Variants in ADGRV1 observed in about 807,000 individuals in gnomAD.
ADGRV1 encodes the protein G-protein coupled receptor 98.
ADGRV1 carries 359 observed loss-of-function variants against 596.2 expected under a neutral mutation model. The observed-to-expected ratio is 0.60, with a 90% CI of 0.55 to 0.66. ADGRV1 has a LOEUF of 0.66. Among genes scored for constraint, ADGRV1 ranks in the 30% least tolerant of loss-of-function variants. The pLI is 0.00. For synonymous variants in ADGRV1, 2,681 were observed against 2,679.2 expected, an observed-to-expected ratio of 1.00 and a Z score of -0.02; for missense variants, 7,274 against 7,575.6, an observed-to-expected ratio of 0.96 and a Z score of 1.48.
At chr5:90,675,162 T>C in intron 23 of ADGRV1, 81 bp from the exon 24 acceptor site, 2 of 1,212,736 alleles carry the variant, frequency 1.6e-6, no homozygotes, top group Non-Finnish European at 2.3e-6. Context: ...ATCAAAATAA[T>C]TGTGTAAGAT....
rs1412894091 is a variant in ADGRV1, at chr5:90,568,105, ATATTT to A, written c.22+9194_22+9198del. 3.3e-5 allele frequency among the ~76,000 whole-genome samples: 5 copies of A among 151,854 alleles called. No individual in the cohort carries two copies. In the East Asian group the frequency reaches 9.7e-4, roughly 29 times the overall value. On this transcript the variant is annotated intron_variant, in intron 1 of 89. Coordinates refer to ENST00000405460, the MANE Select transcript of ADGRV1 (RefSeq NM_032119.4). ...ATTTTCTCTGTTGTATTTCTATTCT[ATATTT>A]TATTTGTTCCCACTCAAATATTTTT...
At chr5:90,654,480 T>A (rs1769114262) in intron 20 of ADGRV1, 2 of 170,558 alleles carry the variant, frequency 1.2e-5, no homozygotes, top group Non-Finnish European at 2.5e-5. Context: ...CTTGGTGAAT[T>A]CTACAGAGTG....
intron 84 of ADGRV1, among the ~76,000 whole-genome samples, chr5:90,970,275 C>A (rs1050826810): frequency 6.6e-6 from 1 of 152,192 alleles, no homozygotes; most frequent in African/African-American, 2.4e-5. Flanking sequence ...GCCTGCCTGC[C>A]TCTGCAGACT....
chr5:91,149,652 T>G (rs1441377089), intron 87 of ADGRV1, among the ~76,000 whole-genome samples: 1 of 151,856 alleles, frequency 6.6e-6, no homozygotes, highest in African/African-American at 2.4e-5. Flanking sequence ...GCCAACATGA[T>G]GAAACCCCCG....
intron 1 of ADGRV1, among the ~76,000 whole-genome samples, chr5:90,590,322 C>T (rs995527598): frequency 6.6e-6 from 1 of 152,140 alleles, no homozygotes; most frequent in Admixed American, 6.5e-5. Context: ...TCGATAACGG[C>T]TGAGGCTGAT....
intron 83 of ADGRV1, chr5:90,899,276 A>C (rs1771612088): frequency 6.6e-6 from 1 of 152,218 alleles, no homozygotes; most frequent in Non-Finnish European, 1.5e-5. Flanking sequence ...CTGACAGATG[A>C]ATCACAGCTT....
intron 33 of ADGRV1, 87 bp downstream of exon 33, chr5:90,694,788 T>G (rs527842901): frequency 8.3e-7 from 1 of 1,210,646 alleles, no homozygotes; most frequent in African/African-American, 1.5e-5. Flanking sequence ...GAATTCTTAC[T>G]GTGTACATTC....
At chr5:90,971,189 A>G (rs1462825521) in intron 84 of ADGRV1, among the ~76,000 whole-genome samples, 1 of 152,214 alleles carries the variant, frequency 6.6e-6, no homozygotes, top group Non-Finnish European at 1.5e-5. Context: ...TCCAAGAAAC[A>G]TGGGACTATG....
chr5:90,683,712 A>G lies in ADGRV1; in HGVS notation c.5791A>G (p.Ile1931Val). The change falls in exon 28 of 90, where the codon ATC becomes GTC. Residue 1931 changes from isoleucine (I) to valine (V), a missense_variant. Coordinates refer to ENST00000405460, the MANE Select transcript of ADGRV1 (RefSeq NM_032119.4). ...TFEIGQTSAN[I>V]TVEILPDEDP... ...TGAGATTGGGCAGACGAGCGCCAAT[A>G]TCACTGTGGAGATATTGCCTGACGA... is the stretch of plus-strand genomic sequence containing the variant. The G allele has an allele frequency of 6.2e-7, 1 of 1,613,898 alleles. No homozygotes were observed. Among genetic ancestry groups the G allele is most frequent in the South Asian group, 1.1e-5 (1 of 91,078 alleles).
At chr5:90,765,669 A>C (rs184178110) in intron 59 of ADGRV1, among the ~76,000 whole-genome samples, 61 of 152,116 alleles carry the variant, frequency 4.0e-4, no homozygotes, top group Middle Eastern at 6.8e-3. Context: ...GAAATGTACA[A>C]TAGATTATTG....
intron 29 of ADGRV1, among the ~76,000 whole-genome samples, chr5:90,688,934 G>C (rs944841353): frequency 9.9e-5 from 15 of 152,120 alleles, no homozygotes; most frequent in Admixed American, 1.3e-4. Flanking sequence ...GCAACAGTTA[G>C]TATTAACTAT....
intron 1 of ADGRV1, among the ~76,000 whole-genome samples, chr5:90,562,158 T>C (rs1754915093): frequency 6.6e-6 from 1 of 152,194 alleles, no homozygotes. Flanking sequence ...TTAGTTTTAG[T>C]ATTCCATTAC....
At chr5:90,709,230 C>T (rs996507156) in intron 39 of ADGRV1, among the ~76,000 whole-genome samples, 1 of 152,112 alleles carries the variant, frequency 6.6e-6, no homozygotes, top group Non-Finnish European at 1.5e-5. Flanking sequence ...CAGTAGATCT[C>T]CAAACTCTCA....
At position 90,558,847 on chromosome 5, in the gene ADGRV1, C is replaced by A. The variant is rs1754400975; in HGVS notation, c.-49C>A. On this transcript the variant is annotated 5_prime_UTR_variant, in exon 1 of 90. Coordinates refer to ENST00000405460, the MANE Select transcript of ADGRV1 (RefSeq NM_032119.4). ...AAGGAGTACGGACGGGAGTCAGAGG[C>A]AGAGCGAGGGTGTGTGGAGGGCCGG... The A allele has an allele frequency of 6.4e-7, 1 of 1,552,210 alleles. No individual in the cohort carries two copies. Among genetic ancestry groups the A allele is most frequent in the Non-Finnish European group, 8.7e-7 (1 of 1,144,852 alleles).
intron 1 of ADGRV1, among the ~76,000 whole-genome samples, chr5:90,582,789 C>G (rs929441054): frequency 6.6e-6 from 1 of 152,176 alleles, no homozygotes; most frequent in Non-Finnish European, 1.5e-5. Flanking sequence ...CCAGGCTTGT[C>G]TCAAACTTGT....
At position 90,681,278 on chromosome 5, in the gene ADGRV1, A is replaced by AT. The variant is rs368491786; in HGVS notation, c.5525-27dup. 5.4e-3 allele frequency: 7,468 copies of AT among 1,383,526 alleles called. 1 individual carries two copies. The highest frequency in any genetic ancestry group is 8.6e-3 in the South Asian group (639 of 74,598). The allele number at this position is 1,383,526 out of a possible 1,614,324, so 85.7% of individuals were successfully genotyped here. On this transcript the variant is annotated intron_variant, in intron 26 of 89. Transcript: ENST00000405460. ...TTTGATTTGTAAATTACTGATCATC[A>AT]TTTTTTTTTTCTATTTGTTGGAACT... is the stretch of plus-strand genomic sequence containing the variant.
At chr5:90,604,508 G>A (rs1761829135) in intron 1 of ADGRV1, among the ~76,000 whole-genome samples, 1 of 152,176 alleles carries the variant, frequency 6.6e-6, no homozygotes, top group South Asian at 2.1e-4. Flanking sequence ...TTTTCAGTGA[G>A]ATCTTAATTT....
At chr5:90,772,588 T>C (rs1052823019) in intron 59 of ADGRV1, among the ~76,000 whole-genome samples, 2 of 152,194 alleles carry the variant, frequency 1.3e-5, no homozygotes, top group Non-Finnish European at 2.9e-5. Flanking sequence ...TGAATGATTC[T>C]AAGTTTTTGC....
chr5:90,730,457 T>A (rs1752412274), intron 50 of ADGRV1, among the ~76,000 whole-genome samples: 2 of 152,220 alleles, frequency 1.3e-5, no homozygotes, highest in East Asian at 3.8e-4. Context: ...TATGAATTTT[T>A]TTTAAGTTGG....
Sources: allele counts gnomAD v4.1 joint callset (sites outside exome capture counted in the v4.1 genomes callset), GRCh38; gene constraint gnomAD v4.1.1; transcripts MANE v1.5; gene names NCBI Gene and HGNC (gene_info 2026-07-23, HGNC 2026-07-21).